The following SERINC5 variants were observed in gnomAD, a reference collection of about 807,000 sequenced individuals.
SERINC5 encodes the protein chromosome 5 open reading frame 12.
Under a neutral mutation model 63.1 loss-of-function variants are expected in SERINC5, and 41 were observed. That is an observed-to-expected ratio of 0.65 (90% CI 0.51 to 0.84). The LOEUF (loss-of-function observed/expected upper bound fraction) is 0.84, where lower values mean the gene tolerates loss of function less well. SERINC5 is among the 40% of genes least tolerant of loss of function. The pLI is 0.00. For missense variants in SERINC5, 523 were observed against 573.0 expected, an observed-to-expected ratio of 0.91 and a Z score of 0.89; for synonymous variants, 222 against 215.2, an observed-to-expected ratio of 1.03 and a Z score of -0.28.
chr5:80,124,600 G>C (rs1213052221), intron 11 of SERINC5, among the ~76,000 whole-genome samples: 1 of 152,158 alleles, frequency 6.6e-6, no homozygotes, highest in Non-Finnish European at 1.5e-5. Context: ...CACAGCCATG[G>C]GAAGACCCTA....
chr5:80,224,726 A>C (rs899020720), intron 1 of SERINC5, among the ~76,000 whole-genome samples: 2 of 151,676 alleles, frequency 1.3e-5, no homozygotes, highest in African/African-American at 4.9e-5. Flanking sequence ...TCCTGGGTTT[A>C]AGTGATTCTC....
Position 80,169,324 on chromosome 5 carries a change from A to C in SERINC5, c.763+11T>G, listed in dbSNP as rs1178911981. 1 of 1,610,464 alleles carries C rather than the reference A, an allele frequency of 6.2e-7. No individual in the cohort carries two copies. The highest frequency in any genetic ancestry group is 8.5e-7 in the Non-Finnish European group (1 of 1,177,102). On this transcript the variant is annotated intron_variant, in intron 6 of 11. Transcript: ENST00000507668. ...ATATAAGTAACGAAGAATGGAAAAA[A>C]ACATGCTTACGATTTTGGACCCAGG...
At chr5:80,199,387 A>G (rs1047243073) in intron 2 of SERINC5, among the ~76,000 whole-genome samples, 4 of 152,246 alleles carry the variant, frequency 2.6e-5, no homozygotes, top group African/African-American at 7.2e-5. Flanking sequence ...AAATACAGGG[A>G]AAGTGCTCAG....
At chr5:80,192,979 C>T (rs1484399717) in intron 2 of SERINC5, among the ~76,000 whole-genome samples, 2 of 152,190 alleles carry the variant, frequency 1.3e-5, no homozygotes, top group Non-Finnish European at 2.9e-5. Flanking sequence ...TCACAGGCTC[C>T]TTCCAGACAC....
At chr5:80,114,936 G>T (rs946791137) in intron 11 of SERINC5, among the ~76,000 whole-genome samples, 2 of 152,018 alleles carry the variant, frequency 1.3e-5, no homozygotes, top group Admixed American at 6.5e-5. Context: ...GACAAGAAAT[G>T]TGTGTCTCTG....
intron 7 of SERINC5, among the ~76,000 whole-genome samples, chr5:80,161,007 T>C (rs1354906737): frequency 6.7e-6 from 1 of 149,276 alleles, no homozygotes; most frequent in South Asian, 2.1e-4. Flanking sequence ...TATATACGTG[T>C]ATATATACGT....
chr5:80,233,445 T>G (rs1170736488), intron 1 of SERINC5, among the ~76,000 whole-genome samples: 2 of 151,996 alleles, frequency 1.3e-5, no homozygotes, highest in Non-Finnish European at 2.9e-5. Context: ...CAATAATAAT[T>G]TCTTTAGTTA....
intron 1 of SERINC5, among the ~76,000 whole-genome samples, chr5:80,209,143 T>G (rs1200503925): frequency 6.6e-6 from 1 of 152,146 alleles, no homozygotes; most frequent in Non-Finnish European, 1.5e-5. Flanking sequence ...TGGTGGCACA[T>G]GCCTGCAGTC....
At chr5:80,118,350 G>C (rs547454419) in intron 11 of SERINC5, among the ~76,000 whole-genome samples, 1 of 152,136 alleles carries the variant, frequency 6.6e-6, no homozygotes, top group Non-Finnish European at 1.5e-5. Flanking sequence ...ATCTTAGACT[G>C]TTCAGGCAAC....
intron 1 of SERINC5, among the ~76,000 whole-genome samples, chr5:80,236,527 CTT>C (rs770470139): frequency 2.8e-5 from 4 of 143,666 alleles, no homozygotes; most frequent in East Asian, 4.0e-4. Context: ...AGTCCTAAAT[CTT>C]TTTTTTTTTT....
chr5:80,135,172 T>A (rs992302258), downstream of SERINC5, among the ~76,000 whole-genome samples: 1 of 152,174 alleles, frequency 6.6e-6, no homozygotes, highest in Non-Finnish European at 1.5e-5. Flanking sequence ...TAGCTAGGAC[T>A]ATAGGCACAT....
intron 1 of SERINC5, among the ~76,000 whole-genome samples, chr5:80,238,178 C>G (rs535707881): frequency 4.6e-5 from 7 of 151,980 alleles, no homozygotes; most frequent in Admixed American, 3.3e-4. Context: ...TCCCCGCCCC[C>G]CATCATAAGG....
At chr5:80,237,101 A>T (rs557592493) in intron 1 of SERINC5, among the ~76,000 whole-genome samples, 1 of 152,142 alleles carries the variant, frequency 6.6e-6, no homozygotes, top group Non-Finnish European at 1.5e-5. Context: ...TGCTGGGATT[A>T]CAGGCATGAG....
chr5:80,188,854 G>T (rs1315977339), intron 2 of SERINC5, among the ~76,000 whole-genome samples: 1 of 152,118 alleles, frequency 6.6e-6, no homozygotes, highest in African/African-American at 2.4e-5. Context: ...CTTCAGCCCA[G>T]AAGGTTGAGG....
chr5:80,122,773 A>C (rs1295679628), intron 11 of SERINC5, among the ~76,000 whole-genome samples: 1 of 152,236 alleles, frequency 6.6e-6, no homozygotes, highest in Non-Finnish European at 1.5e-5. Flanking sequence ...ACCACGTGAG[A>C]AGGAATACCT....
intron 5 of SERINC5, 67 bp from the exon 6 acceptor site, chr5:80,169,613 C>A (rs1394252317): frequency 3.9e-6 from 5 of 1,279,948 alleles, no homozygotes; most frequent in Non-Finnish European, 5.5e-6. Context: ...CACCATTCTG[C>A]GGTAACAGTC....
intron 1 of SERINC5, among the ~76,000 whole-genome samples, chr5:80,224,935 G>GTT (rs764594236): frequency 1.2e-5 from 1 of 81,666 alleles, no homozygotes; most frequent in Non-Finnish European, 2.3e-5. Context: ...TTTTTTTTTT[G>GTT]TTTTTTTTTG....
At chr5:80,127,755 A>T (rs1744800307) in intron 11 of SERINC5, among the ~76,000 whole-genome samples, 1 of 152,138 alleles carries the variant, frequency 6.6e-6, no homozygotes, top group Non-Finnish European at 1.5e-5. Flanking sequence ...TGAATGCCCA[A>T]CTGGCTTGTA....
chr5:80,161,616 GAC>G (rs1216723654), intron 7 of SERINC5, among the ~76,000 whole-genome samples: 5 of 152,056 alleles, frequency 3.3e-5, no homozygotes, highest in African/African-American at 1.2e-4. Context: ...TCCCCTATAA[GAC>G]ACAGTTTGCA....
Sources: allele counts gnomAD v4.1 joint callset (sites outside exome capture counted in the v4.1 genomes callset), GRCh38; gene constraint gnomAD v4.1.1; transcripts MANE v1.5; gene names NCBI Gene and HGNC (gene_info 2026-07-23, HGNC 2026-07-21).